Variants in FAM163A observed in about 807,000 individuals in gnomAD.
FAM163A encodes family with sequence similarity 163 member A.
A neutral mutation model predicts 12.0 loss-of-function variants in FAM163A; 7 were observed. That is an observed-to-expected ratio of 0.58 (90% CI 0.33 to 1.10). The LOEUF (loss-of-function observed/expected upper bound fraction) is 1.10. FAM163A is among the 50% of genes least tolerant of loss of function. The probability of loss-of-function intolerance (pLI) is 0.03; values close to 1 mark genes in which losing one functional copy is unlikely to be tolerated. For missense variants in FAM163A, 202 were observed against 218.6 expected (o/e 0.92, Z 0.48); for synonymous variants, 101 against 91.0 (o/e 1.11, Z -0.62).
intron 1 of FAM163A, among the ~76,000 whole-genome samples, chr1:179,800,932 G>A (rs112627649): frequency 2.6e-5 from 4 of 152,184 alleles, no homozygotes; most frequent in African/African-American, 9.6e-5. Context: ...ATATGAGCTG[G>A]GGTCACACGT....
In FAM163A at chr1:179,814,018, C is replaced by T. The variant is rs148399613; in HGVS notation, c.333C>T (p.Asp111=). The T allele has an allele frequency of 9.3e-6, 15 of 1,613,240 alleles. No homozygotes were observed. Among genetic ancestry groups the T allele is most frequent in the African/African-American group, 1.3e-5 (1 of 75,052 alleles). ...YSSPFYIRTA[D]MVPNGGGGER... Reference sequence around the variant, plus strand: ...CCCCCTTTTACATACGGACGGCTGACATGGTGCCCAATGGGGGTGGAGGCG... The same window carrying T: ...CCCCCTTTTACATACGGACGGCTGATATGGTGCCCAATGGGGGTGGAGGCG... Residue 111 remains aspartate, a synonymous_variant, in exon 5 of 5, where the codon GAC becomes GAT. Transcript: ENST00000341785.
intron 1 of FAM163A, among the ~76,000 whole-genome samples, chr1:179,764,833 T>C (rs999731958): frequency 6.6e-6 from 1 of 152,166 alleles, no homozygotes; most frequent in Non-Finnish European, 1.5e-5. Flanking sequence ...AGTTGCCTCA[T>C]TTGTAAAAAG....
At chr1:179,787,486 A>AC (rs1690807160) in intron 1 of FAM163A, among the ~76,000 whole-genome samples, 1 of 152,212 alleles carries the variant, frequency 6.6e-6, no homozygotes, top group South Asian at 2.1e-4. Flanking sequence ...TAATCAAATA[A>AC]CGACATGACC....
intron 1 of FAM163A, among the ~76,000 whole-genome samples, chr1:179,743,732 C>T (rs1683995605): frequency 6.6e-6 from 1 of 152,164 alleles, no homozygotes; most frequent in Non-Finnish European, 1.5e-5. Context: ...GGCCAGACCG[C>T]GGGTGGCGGT....
chr1:179,752,153 G>A (rs185411550), intron 1 of FAM163A, among the ~76,000 whole-genome samples: 99 of 152,190 alleles, frequency 6.5e-4, no homozygotes, highest in African/African-American at 2.2e-3. Context: ...CACATGATAC[G>A]GTCAACTGAT....
Position 179,814,032 on chromosome 1 carries a change from G to C in FAM163A, c.347G>C (p.Gly116Ala), listed in dbSNP as rs147052174. 8 of 1,613,378 alleles carry C rather than the reference G, an allele frequency of 5.0e-6. No individual in the cohort carries two copies. Among genetic ancestry groups the C allele is most frequent in the South Asian group, 2.2e-5 (2 of 91,018 alleles). Reference protein sequence around the residue: ...YIRTADMVPNGGGGERLSFAP... With the variant: ...YIRTADMVPNAGGGERLSFAP... ...CGGACGGCTGACATGGTGCCCAATG[G>C]GGGTGGAGGCGAGAGGCTCTCCTTT... Residue 116 changes from glycine to alanine, a missense_variant, in exon 5 of 5, where the codon GGG (glycine) becomes GCG (alanine). By Grantham distance (60) the Gly-to-Ala change is moderately conservative (BLOSUM62 0). Transcript: ENST00000341785.
chr1:179,790,012 G>A lies in FAM163A; in HGVS notation c.-135-17786G>A, dbSNP rs190605336. Among the ~76,000 whole-genome samples, 813 of 152,256 alleles carry A rather than the reference G, an allele frequency of 5.3e-3. 6 individuals are homozygous for A. The highest frequency in any genetic ancestry group is 7.9e-3 in the Non-Finnish European group (535 of 68,016). On this transcript the variant is annotated intron_variant, in intron 1 of 4. Coordinates refer to ENST00000341785, the MANE Select transcript of FAM163A (RefSeq NM_173509.3). ...AGGGAAAGGACATGACCAAAGAATG[G>A]TTTAGGAAAGTGAATACAGCAACAT...
At chr1:179,744,201 G>C (rs933861185) in intron 1 of FAM163A, among the ~76,000 whole-genome samples, 1 of 152,200 alleles carries the variant, frequency 6.6e-6, no homozygotes, top group Non-Finnish European at 1.5e-5. Context: ...AGCCGGACGT[G>C]CCCGTGGGGC....
At position 179,783,144 on chromosome 1, in the gene FAM163A, A is replaced by AAAT. The variant is rs1553222707; in HGVS notation, c.-135-24654_-135-24653insAAT. ...AACTCCGTCTTAAAAAAAAAAAAAA[A>AAAT]GGAAAAAGCCATTCATTCATTCATT... On this transcript the variant is annotated intron_variant, in intron 1 of 4. Coordinates refer to ENST00000341785, the MANE Select transcript of FAM163A (RefSeq NM_173509.3). 1.1e-3 allele frequency among the ~76,000 whole-genome samples: 169 copies of AAAT among 151,730 alleles called. 1 individual carries two copies. Among genetic ancestry groups the AAAT allele is most frequent in the African/African-American group, 3.8e-3 (159 of 41,344 alleles).
upstream of FAM163A, chr1:179,742,142 C>T (rs1242274469): frequency 6.6e-6 from 1 of 152,104 alleles, no homozygotes; most frequent in African/African-American, 2.4e-5. Context: ...CAACAGTAGA[C>T]TTGCTGGAAT....
At chr1:179,773,869 A>G (rs889974041) in intron 1 of FAM163A, among the ~76,000 whole-genome samples, 6 of 152,350 alleles carry the variant, frequency 3.9e-5, no homozygotes, top group Middle Eastern at 3.4e-3. Flanking sequence ...CCGTTCTGAG[A>G]AAGCACCGGT....
At chr1:179,779,281 G>A (rs753475351) in intron 1 of FAM163A, among the ~76,000 whole-genome samples, 4 of 152,174 alleles carry the variant, frequency 2.6e-5, no homozygotes, top group Admixed American at 6.5e-5. Context: ...GAAGGAATAG[G>A]TTGGATTTCA....
intron 1 of FAM163A, among the ~76,000 whole-genome samples, chr1:179,790,863 A>G (rs933447089): frequency 4.6e-5 from 7 of 152,210 alleles, no homozygotes. Context: ...AAGTTGTGGG[A>G]TAAAAGAGGG....
Position 179,814,069 on chromosome 1 carries a change from C to A in FAM163A, c.384C>A (p.Tyr128Ter). 1 of 1,614,070 alleles carries A rather than the reference C, an allele frequency of 6.2e-7. No individual in the cohort carries two copies. Among genetic ancestry groups the A allele is most frequent in the Non-Finnish European group, 8.5e-7 (1 of 1,179,972 alleles). ...GGERLSFAPTYYKEGGPPSLK... is the reference protein window; with the variant it reads ...GGERLSFAPT ...AGAGGCTCTCCTTTGCTCCCACATA[C>A]TACAAAGAGGGGGGACCCCCATCCC... The change falls in exon 5 of 5, where the codon TAC (tyrosine) becomes TAA (stop). Residue 128 changes from tyrosine (Y) to a stop codon, truncating the protein, a stop_gained. Transcript: ENST00000341785. LOFTEE classifies it high-confidence loss of function.
intron 1 of FAM163A, among the ~76,000 whole-genome samples, chr1:179,745,020 T>A (rs1684267059): frequency 1.3e-5 from 2 of 152,106 alleles, no homozygotes; most frequent in Non-Finnish European, 2.9e-5. Context: ...CTGAAAGAGG[T>A]GGACCCCGGG....
At chr1:179,753,187 T>C (rs61828374) in intron 1 of FAM163A, among the ~76,000 whole-genome samples, 23 of 152,170 alleles carry the variant, frequency 1.5e-4, no homozygotes, top group Non-Finnish European at 2.6e-4. Context: ...TTGAAGACAT[T>C]ATACTAAGTA....
intron 1 of FAM163A, among the ~76,000 whole-genome samples, chr1:179,806,285 G>C (rs1048705557): frequency 3.3e-5 from 5 of 152,204 alleles, no homozygotes; most frequent in Non-Finnish European, 5.9e-5. Context: ...TGCAGCAAGA[G>C]CCCCACTGTG....
chr1:179,744,529 T>C (rs559907075), intron 1 of FAM163A, among the ~76,000 whole-genome samples: 30 of 152,098 alleles, frequency 2.0e-4, no homozygotes, highest in Admixed American at 4.6e-4. Flanking sequence ...GGTGCAGATC[T>C]GTTCCCTCGG....
chr1:179,763,478 CTTG>C, intron 1 of FAM163A, among the ~76,000 whole-genome samples: 1 of 152,294 alleles, frequency 6.6e-6, no homozygotes, highest in South Asian at 2.1e-4. Context: ...TTGTAAAAAA[CTTG>C]TTGTGAGCAA....
Sources: gnomAD v4.1 joint callset for allele counts (sites outside exome capture counted in the v4.1 genomes callset) on GRCh38, gnomAD v4.1.1 for gene constraint, MANE v1.5 for transcripts, NCBI Gene and HGNC (gene_info 2026-07-23, HGNC 2026-07-21) for gene names.